The following NOTCH2 variants were observed in gnomAD, a reference collection of about 807,000 sequenced individuals.
NOTCH2 encodes the protein notch receptor 2.
In NOTCH2, 29 loss-of-function variants were observed where a neutral mutation model predicts 235.8. That is an observed-to-expected ratio of 0.12 (90% CI 0.09 to 0.17). The LOEUF (loss-of-function observed/expected upper bound fraction) is 0.17, where lower values mean the gene tolerates loss of function less well. Ranked by LOEUF, NOTCH2 falls within the 10% of genes least tolerant of loss-of-function variation. The probability of loss-of-function intolerance (pLI) is 1.00; values close to 1 mark genes in which losing one functional copy is unlikely to be tolerated. For synonymous variants in NOTCH2, 1,086 were observed against 1,141.5 expected (o/e 0.95, Z 0.98); for missense variants, 2,285 against 3,150.2 (o/e 0.73, Z 6.57).
At chr1:119,958,305 G>C (rs2101129020) in intron 12 of NOTCH2, among the ~76,000 whole-genome samples, 1 of 152,310 alleles carries the variant, frequency 6.6e-6, no homozygotes, top group East Asian at 1.9e-4. Context: ...GGATCACTGT[G>C]ACCCATTTGG....
chr1:119,920,435 A>C, intron 29 of NOTCH2, 38 bp from the exon 30 acceptor site: 1 of 1,610,062 alleles, frequency 6.2e-7, no homozygotes, highest in Non-Finnish European at 8.5e-7. Context: ...CAATCTGGCC[A>C]CCACCAGAAA....
intron 5 of NOTCH2, among the ~76,000 whole-genome samples, chr1:119,981,892 ATAAT>A (rs782158629): frequency 2.0e-5 from 3 of 152,056 alleles, no homozygotes; most frequent in Admixed American, 6.6e-5. Flanking sequence ...AATACCATAT[ATAAT>A]TAAGTAGTAT....
intron 1 of NOTCH2, among the ~76,000 whole-genome samples, chr1:120,065,032 C>T (rs1271958307): frequency 6.6e-6 from 1 of 151,978 alleles, no homozygotes; most frequent in Non-Finnish European, 1.5e-5. Flanking sequence ...GAGTGAGAGG[C>T]AGGGGGTGGA....
At chr1:119,937,498 G>T (rs782271439) in intron 20 of NOTCH2, 32 bp from the exon 21 acceptor site, 1 of 1,598,244 alleles carries the variant, frequency 6.3e-7, no homozygotes. Context: ...AAATGTCATA[G>T]AAGAACATGT....
chr1:119,918,521 A>G lies in NOTCH2; in HGVS notation c.5814T>C (p.Asp1938=), dbSNP rs1301475019. The G allele has an allele frequency of 3.0e-5, 48 of 1,614,070 alleles. No homozygotes were observed. The highest frequency in any genetic ancestry group is 6.7e-5 in the East Asian group (3 of 44,890). Reference sequence around the variant, plus strand: ...GTGTAGTACCATCATTCATCCTGGCATCTAGATCAGTTACTCGGTTGCGAA... The same window carrying G: ...GTGTAGTACCATCATTCATCCTGGCGTCTAGATCAGTTACTCGGTTGCGAA... The part of the protein sequence containing the change: ...ILIRNRVTDL[D]ARMNDGTTPL... Residue 1938 remains aspartate, a synonymous_variant, in exon 32 of 34, where the codon GAT becomes GAC. Transcript: ENST00000256646.
In NOTCH2 at chr1:119,953,311, G is replaced by C. The variant is rs2453055; in HGVS notation, c.2365+232C>G. Among the ~76,000 whole-genome samples, 46,163 of 150,084 alleles carry C rather than the reference G, an allele frequency of 0.31. 12,380 individuals are homozygous for C. Among genetic ancestry groups the C allele is most frequent in the African/African-American group, 0.73 (29,825 of 40,744 alleles). ...CTGGGCAACAAGAGCAAAACTCTGT[G>C]TCAAAAAAAAAAAAAATTACTATTT... On this transcript the variant is annotated intron_variant, in intron 14 of 33. Coordinates refer to ENST00000256646, the MANE Select transcript of NOTCH2 (RefSeq NM_024408.4).
At position 119,920,117 on chromosome 1, in the gene NOTCH2, G is replaced by A. The variant is rs190488882; in HGVS notation, c.5479+112C>T. The A allele has an allele frequency of 9.1e-5, 105 of 1,149,986 alleles. 1 individual carries two copies. In the East Asian group the frequency reaches 1.2e-3, roughly 14 times the overall value. The allele number at this position is 1,149,986 out of a possible 1,614,324, so 71.2% of individuals were successfully genotyped here. ...ATTCATTTCCTCGAGCTGATTTAGA[G>A]TCTGTGAAATTGGGAAGGGGTTTAT... On this transcript the variant is annotated intron_variant, in intron 30 of 33. Coordinates refer to ENST00000256646, the MANE Select transcript of NOTCH2 (RefSeq NM_024408.4).
chr1:119,971,383 C>T (rs1651356499), intron 5 of NOTCH2, among the ~76,000 whole-genome samples: 1 of 152,230 alleles, frequency 6.6e-6, no homozygotes, highest in African/African-American at 2.4e-5. Context: ...ACCCTCCTGG[C>T]CATGGCTGAC....
intron 2 of NOTCH2, among the ~76,000 whole-genome samples, chr1:120,022,678 T>C (rs368903476): frequency 0.046 from 3,727 of 80,654 alleles, no homozygotes; most frequent in East Asian, 0.15. Context: ...TGTTCTAGAA[T>C]GATATGAGGT....
At chr1:120,033,536 C>T (rs1263305341) in intron 1 of NOTCH2, among the ~76,000 whole-genome samples, 3 of 144,136 alleles carry the variant, frequency 2.1e-5, no homozygotes, top group African/African-American at 7.7e-5. Flanking sequence ...GAACATTATG[C>T]TAAGTGAAAT....
intron 4 of NOTCH2, among the ~76,000 whole-genome samples, chr1:119,989,602 A>AT (rs1165947457): frequency 1.3e-5 from 2 of 151,520 alleles, no homozygotes; most frequent in Non-Finnish European, 2.9e-5. Context: ...TTTAGGATAT[A>AT]TTTTTTAAAA....
At chr1:119,956,769 T>G (rs1553198399) in intron 12 of NOTCH2, among the ~76,000 whole-genome samples, 1 of 152,212 alleles carries the variant, frequency 6.6e-6, no homozygotes, top group Non-Finnish European at 1.5e-5. Flanking sequence ...TCCCAAGTTT[T>G]CTTTATTTGC....
chr1:119,920,535 T>A, intron 29 of NOTCH2, 138 bp from the exon 30 acceptor site: 1 of 976,492 alleles, frequency 1.0e-6, no homozygotes, highest in Non-Finnish European at 1.6e-6. Flanking sequence ...CTCCAGAGGA[T>A]TACCTCAGCC....
intron 3 of NOTCH2, among the ~76,000 whole-genome samples, chr1:119,999,504 A>G (rs1652623482): frequency 6.7e-6 from 1 of 148,848 alleles, no homozygotes; most frequent in African/African-American, 2.5e-5. Flanking sequence ...TGTCACTAAG[A>G]GGCACTTATT....
intron 26 of NOTCH2, 113 bp downstream of exon 26, chr1:119,923,524 C>T: frequency 1.1e-6 from 1 of 922,242 alleles, no homozygotes; most frequent in Non-Finnish European, 1.8e-6. Context: ...AGTGGTGGGC[C>T]ATTCTATTTT....
intron 1 of NOTCH2, among the ~76,000 whole-genome samples, chr1:120,038,159 C>T (rs1654389326): frequency 6.6e-6 from 1 of 152,096 alleles, no homozygotes; most frequent in South Asian, 2.1e-4. Context: ...TCAATTTATG[C>T]ATGGGTTAAA....
At chr1:120,024,667 G>A (rs587661282) in intron 2 of NOTCH2, among the ~76,000 whole-genome samples, 2 of 151,472 alleles carry the variant, frequency 1.3e-5, no homozygotes, top group East Asian at 2.0e-4. Context: ...ACCTTAAAGT[G>A]TAGTTTTTAG....
At chr1:119,936,253 A>G (rs1649845142) in intron 21 of NOTCH2, among the ~76,000 whole-genome samples, 2 of 152,184 alleles carry the variant, frequency 1.3e-5, no homozygotes, top group Admixed American at 6.5e-5. Context: ...TAGGTGAGTA[A>G]GGGGAAGACA....
chr1:119,980,043 C>G (rs782658833), intron 5 of NOTCH2, among the ~76,000 whole-genome samples: 1 of 152,160 alleles, frequency 6.6e-6, no homozygotes, highest in African/African-American at 2.4e-5. Flanking sequence ...TGTTCTCGCT[C>G]TTTCCTCTCC....
Sources: gnomAD v4.1 joint callset for allele counts (sites outside exome capture counted in the v4.1 genomes callset) on GRCh38, gnomAD v4.1.1 for gene constraint, MANE v1.5 for transcripts, NCBI Gene and HGNC (gene_info 2026-07-23, HGNC 2026-07-21) for gene names.